Variants in OPCML observed in about 807,000 individuals in gnomAD.
The protein encoded by OPCML is opioid binding protein/cell adhesion molecule like.
OPCML carries 13 observed loss-of-function variants against 37.8 expected under a neutral mutation model. That is an observed-to-expected ratio of 0.34 (90% confidence interval 0.22 to 0.55). The LOEUF is 0.55. Ranked by LOEUF, OPCML falls within the 20% of genes least tolerant of loss-of-function variation. The pLI, the probability that OPCML is intolerant of heterozygous loss-of-function variation, is 0.91. For missense variants in OPCML, 341 were observed against 435.6 expected (o/e 0.78, Z 1.93); for synonymous variants, 176 against 168.8 (o/e 1.04, Z -0.33).
chr11:132,513,429 GT>G (rs1245458227), intron 4 of OPCML, among the ~76,000 whole-genome samples: 1 of 152,064 alleles, frequency 6.6e-6, no homozygotes, highest in African/African-American at 2.4e-5. Context: ...ATTAATTTTT[GT>G]TTTTGTTTTC....
intron 1 of OPCML, among the ~76,000 whole-genome samples, chr11:133,058,802 A>C (rs547063870): frequency 6.6e-6 from 1 of 152,334 alleles, no homozygotes; most frequent in African/African-American, 2.4e-5. Flanking sequence ...AAGTATTTTA[A>C]GGATAAAAAT....
chr11:133,006,108 T>A, intron 1 of OPCML: 1 of 985,058 alleles, frequency 1.0e-6, no homozygotes, highest in Non-Finnish European at 1.2e-6. Context: ...TGGCATGGGG[T>A]CATTGTGAGA....
intron 3 of OPCML, among the ~76,000 whole-genome samples, chr11:132,532,245 G>C (rs1245135877): frequency 1.1e-4 from 17 of 152,298 alleles, no homozygotes; most frequent in African/African-American, 3.8e-4. Flanking sequence ...AGCCCAGGTA[G>C]TGTTGTCTGC....
intron 3 of OPCML, among the ~76,000 whole-genome samples, chr11:132,568,117 C>T (rs1227158799): frequency 2.0e-5 from 3 of 151,592 alleles, no homozygotes; most frequent in Non-Finnish European, 4.4e-5. Context: ...AGCACCAAAA[C>T]GTATGTCATG....
chr11:132,735,042 G>T (rs547930890), intron 2 of OPCML, among the ~76,000 whole-genome samples: 2 of 152,140 alleles, frequency 1.3e-5, no homozygotes, highest in Non-Finnish European at 2.9e-5. Flanking sequence ...AGAGTTGAAG[G>T]TGTACCTAAG....
chr11:132,441,147 T>C (rs2096031283), intron 4 of OPCML, among the ~76,000 whole-genome samples: 3 of 150,158 alleles, frequency 2.0e-5, no homozygotes, highest in Admixed American at 2.0e-4. Flanking sequence ...TGAAGATGTG[T>C]TCACCAAGGA....
chr11:133,140,513 A>AAATAATAATAATAAT (rs377272496), intron 1 of OPCML, among the ~76,000 whole-genome samples: 1,734 of 95,766 alleles, frequency 0.018, 40 homozygotes, highest in South Asian at 0.022. Context: ...CTCTGTCTCA[A>AAATAATAATAATAAT]AATAATAATA....
At chr11:132,630,342 G>A (rs190936676) in intron 3 of OPCML, among the ~76,000 whole-genome samples, 1 of 152,140 alleles carries the variant, frequency 6.6e-6, no homozygotes, top group Non-Finnish European at 1.5e-5. Context: ...GGGCGGTCAC[G>A]AGGTCAAGAG....
intron 1 of OPCML, among the ~76,000 whole-genome samples, chr11:133,355,450 A>C (rs1043143024): frequency 2.0e-5 from 3 of 152,240 alleles, no homozygotes; most frequent in African/African-American, 7.2e-5. Context: ...CATGAACTAA[A>C]TCTGTGACCA....
rs144517201 is a variant in OPCML, at chr11:132,688,374, A to G, written c.147-31055T>C. ...CAAGAGCACTAAACTGGTACCCGTA[A>G]TCTAGTCCTGACCGACACTAGCTTG... On this transcript the variant is annotated intron_variant, in intron 2 of 7. Coordinates refer to ENST00000524381, the MANE Select transcript of OPCML (RefSeq NM_001012393.5). Among the ~76,000 whole-genome samples, 570 of 152,276 alleles carry G rather than the reference A, an allele frequency of 3.7e-3. 11 individuals are homozygous for G. The East Asian group carries it at 0.043, about 11-fold the overall frequency.
intron 1 of OPCML, among the ~76,000 whole-genome samples, chr11:133,386,910 G>A (rs1486306564): frequency 1.3e-5 from 2 of 152,204 alleles, no homozygotes; most frequent in Non-Finnish European, 1.5e-5. Context: ...CAGGGTATCT[G>A]TGAGGGCTGA....
intron 1 of OPCML, among the ~76,000 whole-genome samples, chr11:133,060,582 C>T (rs563133142): frequency 6.6e-6 from 1 of 152,292 alleles, no homozygotes; most frequent in African/African-American, 2.4e-5. Flanking sequence ...GGGCAGCCAC[C>T]AGGCCTTGGC....
At chr11:133,279,576 G>T (rs1198364640) in intron 1 of OPCML, among the ~76,000 whole-genome samples, 1 of 152,106 alleles carries the variant, frequency 6.6e-6, no homozygotes, top group African/African-American at 2.4e-5. Flanking sequence ...CAGTTGCCCA[G>T]AGCTAAGGAC....
intron 3 of OPCML, among the ~76,000 whole-genome samples, chr11:132,542,008 A>C (rs1016600574): frequency 1.3e-5 from 2 of 152,234 alleles, no homozygotes; most frequent in Admixed American, 1.3e-4. Flanking sequence ...ATGCAGGGGA[A>C]GTCCAGCATC....
chr11:133,380,257 C>A (rs1944902926), intron 1 of OPCML, among the ~76,000 whole-genome samples: 1 of 152,010 alleles, frequency 6.6e-6, no homozygotes, highest in Admixed American at 6.6e-5. Flanking sequence ...TTTATTTAGA[C>A]CCAAAAGAAT....
rs1038903889 is a variant in OPCML, at chr11:133,174,036, G to A, written c.62-231026C>T. Among the ~76,000 whole-genome samples, 2 of 152,228 alleles carry A rather than the reference G, an allele frequency of 1.3e-5. No homozygotes were observed. The highest frequency in any genetic ancestry group is 1.5e-5 in the Non-Finnish European group (1 of 68,052). On this transcript the variant is annotated intron_variant, in intron 1 of 7. Transcript: ENST00000524381. The surrounding 1 kb of genome is among the most constrained non-coding windows in gnomAD (Gnocchi z 4.6). ...TGAGCATGGAGAAACGGCCTGGCAG[G>A]CCCTGCACTGCGGCCATAAATCAGG...
chr11:132,563,552 T>C (rs1048980666), intron 3 of OPCML, among the ~76,000 whole-genome samples: 3 of 151,624 alleles, frequency 2.0e-5, no homozygotes, highest in African/African-American at 4.8e-5. Flanking sequence ...ACACTGGGAA[T>C]GTACTAAATG....
chr11:132,901,261 T>C (rs1341485779), intron 2 of OPCML, among the ~76,000 whole-genome samples: 1 of 152,170 alleles, frequency 6.6e-6, no homozygotes, highest in African/African-American at 2.4e-5. Flanking sequence ...AGGCTCAGTG[T>C]GCAGTATAGT....
intron 1 of OPCML, among the ~76,000 whole-genome samples, chr11:133,363,849 C>G (rs1428631489): frequency 6.6e-6 from 1 of 152,212 alleles, no homozygotes; most frequent in East Asian, 1.9e-4. Flanking sequence ...TCACTTGTCT[C>G]TGTTGGTTTA....
Sources: gnomAD v4.1 joint callset for allele counts (sites outside exome capture counted in the v4.1 genomes callset) on GRCh38, gnomAD v4.1.1 for gene constraint, Gnocchi (gnomAD v3.1) non-coding constraint, MANE v1.5 for transcripts, NCBI Gene and HGNC (gene_info 2026-07-23, HGNC 2026-07-21) for gene names.